SP1: variants seen among roughly 807,000 people sequenced by gnomAD.
SP1 encodes the protein transcription factor Sp1.
In SP1, 6 loss-of-function variants were observed where a neutral mutation model predicts 66.3. The ratio of observed to expected loss-of-function variants is 0.09; its 90% CI spans 0.05 to 0.18. SP1 has a LOEUF of 0.18. Among genes scored for constraint, SP1 ranks in the 10% least tolerant of loss-of-function variants. SP1 has a pLI of 1.00. For missense variants in SP1, 848 were observed against 964.5 expected (o/e 0.88, Z 1.60); for synonymous variants, 417 against 360.8 (o/e 1.16, Z -1.77).
chr12:53,386,266 A>AAGGGAGTGGGGTAAGTT (rs565922458), intron 3 of SP1, among the ~76,000 whole-genome samples: 230 of 152,170 alleles, frequency 1.5e-3, no homozygotes, highest in African/African-American at 5.1e-3. Context: ...GGGAGAAGGA[A>AAGGGAGTGGGGTAAGTT]AGGGAGTGGG....
At chr12:53,397,495 C>G (rs1463372803) in intron 3 of SP1, among the ~76,000 whole-genome samples, 1 of 139,650 alleles carries the variant, frequency 7.2e-6, no homozygotes, top group Non-Finnish European at 1.5e-5. Context: ...GATGGAGTCT[C>G]TCTCTCTCAC....
intron 5 of SP1, among the ~76,000 whole-genome samples, chr12:53,410,165 C>T (rs916076442): frequency 1.3e-5 from 2 of 151,712 alleles, no homozygotes; most frequent in Non-Finnish European, 2.9e-5. Context: ...AATAGTCAAG[C>T]GTGCTGGTGC....
chr12:53,392,615 C>G (rs1016689891), intron 3 of SP1, among the ~76,000 whole-genome samples: 3 of 151,736 alleles, frequency 2.0e-5, no homozygotes, highest in Non-Finnish European at 4.4e-5. Context: ...CCTCGGCCTC[C>G]CAAAGTGCTG....
chr12:53,408,075 C>T (rs1292900408), intron 4 of SP1, among the ~76,000 whole-genome samples: 1 of 144,914 alleles, frequency 6.9e-6, no homozygotes, highest in Non-Finnish European at 1.5e-5. Flanking sequence ...GGTGAAACCC[C>T]ATCTCTACTA....
chr12:53,403,437 C>T (rs1442957329), intron 3 of SP1, among the ~76,000 whole-genome samples: 1 of 152,078 alleles, frequency 6.6e-6, no homozygotes, highest in African/African-American at 2.4e-5. Flanking sequence ...ACTGCTGCCT[C>T]CATCTCCCAG....
Position 53,411,183 on chromosome 12 carries a change from C to T in SP1, c.2301C>T (p.Ile767=). The T allele has an allele frequency of 6.2e-7, 1 of 1,613,950 alleles. No homozygotes were observed. The part of the protein sequence containing the change: ...EGIARLANSG[I]NVMQVADLQS... ...TTGCCCGTCTTGCCAACAGTGGCAT[C>T]AACGTCATGCAGGTGGCAGATCTGC... is the stretch of plus-strand genomic sequence containing the variant. The change falls in exon 6 of 6, where the codon ATC becomes ATT. Residue 767 remains isoleucine, a synonymous_variant. Coordinates refer to ENST00000327443, the MANE Select transcript of SP1 (RefSeq NM_138473.3).
chr12:53,389,397 T>C (rs1351750560), intron 3 of SP1, among the ~76,000 whole-genome samples: 3 of 151,744 alleles, frequency 2.0e-5, no homozygotes, highest in Non-Finnish European at 4.4e-5. Flanking sequence ...TTAATCGAGA[T>C]TGAGTTTCAC....
In SP1 at chr12:53,405,589, G is replaced by A. The variant is rs373038459; in HGVS notation, c.1676-996G>A. 4.6e-4 allele frequency among the ~76,000 whole-genome samples: 70 copies of A among 152,060 alleles called. 3 individuals carry two copies. The East Asian group carries it at 8.1e-3, about 18-fold the overall frequency. On this transcript the variant is annotated intron_variant, in intron 3 of 5. Transcript: ENST00000327443. ...GGAGGCTAAGGCAGGAGAATCACTT[G>A]AACCCAGGAGATGGAGGTTGCAGTG... is the stretch of plus-strand genomic sequence containing the variant.
At chr12:53,405,661 CA>C (rs927134549) in intron 3 of SP1, among the ~76,000 whole-genome samples, 3 of 126,452 alleles carry the variant, frequency 2.4e-5, no homozygotes, top group Non-Finnish European at 4.8e-5. Context: ...GACTCTGTCT[CA>C]AAAAAAGAAA....
intron 4 of SP1, 91 bp from the exon 5 acceptor site, chr12:53,409,270 GT>G: frequency 9.6e-7 from 1 of 1,044,958 alleles, no homozygotes; most frequent in Non-Finnish European, 1.4e-6. Flanking sequence ...GTTTGGGTTA[GT>G]TTGGTGTCGA....
At chr12:53,409,792 G>A (rs1423578054) in intron 5 of SP1, among the ~76,000 whole-genome samples, 3 of 150,308 alleles carry the variant, frequency 2.0e-5, no homozygotes, top group East Asian at 2.0e-4. Context: ...GGCAGATCAC[G>A]AGGTCAGGAG....
chr12:53,389,523 T>G (rs1159460629), intron 3 of SP1, among the ~76,000 whole-genome samples: 1 of 151,944 alleles, frequency 6.6e-6, no homozygotes, highest in Non-Finnish European at 1.5e-5. Flanking sequence ...ATTTTTGCAT[T>G]TTTAGTAGAG....
At chr12:53,381,915 C>T (rs1249484458) in intron 2 of SP1, 102 bp downstream of exon 2, 3 of 1,341,422 alleles carry the variant, frequency 2.2e-6, no homozygotes, top group East Asian at 2.3e-5. Context: ...GAGACTAAAC[C>T]ATTTTATAGA....
chr12:53,411,445 A>G lies in SP1; in HGVS notation c.*205A>G, dbSNP rs1281941787. ...CAGTGCCTCTTTGAAGGTGGGAAAC[A>G]TTAGTGAAAATTCTGTTGGTGCCAC... On this transcript the variant is annotated 3_prime_UTR_variant, in exon 6 of 6. Transcript: ENST00000327443. 8.2e-6 allele frequency: 4 copies of G among 486,974 alleles called. No homozygotes were observed. The highest frequency in any genetic ancestry group is 3.3e-5 in the East Asian group (1 of 30,746). 30.2% of individuals were successfully genotyped at this position (486,974 alleles called of 1,614,324 possible).
rs1592575221 is a variant in SP1 at position 53,411,409 on chromosome 12, A to G, written c.*169A>G. The G allele has an allele frequency of 1.2e-5, 7 of 563,880 alleles. No homozygotes were observed. The East Asian group carries it at 2.0e-4, about 16-fold the overall frequency. The allele number at this position is 563,880 out of a possible 1,614,324, so 34.9% of individuals were successfully genotyped here. ...GAGAGGAGATGGGGTCCCGGCACCC[A>G]TCTGTATCATCAGTGCCTCTTTGAA... On this transcript the variant is annotated 3_prime_UTR_variant, in exon 6 of 6. Coordinates refer to ENST00000327443, the MANE Select transcript of SP1 (RefSeq NM_138473.3).
chr12:53,403,243 A>G (rs963907891), intron 3 of SP1, among the ~76,000 whole-genome samples: 3 of 152,232 alleles, frequency 2.0e-5, no homozygotes, highest in Non-Finnish European at 2.9e-5. Flanking sequence ...AGTAAAATCA[A>G]GAACCTGGAT....
At position 53,414,932 on chromosome 12, in the gene SP1, A is replaced by G. The variant is rs141548857; in HGVS notation, c.*3692A>G. ...GGTACCAAGGAAATAAGGACAGTCT[A>G]GCTGCCTCAAGTGAGGGGCCCTTTG... is the stretch of plus-strand genomic sequence containing the variant. On this transcript the variant is annotated 3_prime_UTR_variant, in exon 6 of 6. Coordinates refer to ENST00000327443, the MANE Select transcript of SP1 (RefSeq NM_138473.3). The G allele has an allele frequency of 1.2e-3, 180 of 152,710 alleles. No homozygotes were observed. The highest frequency in any genetic ancestry group is 3.9e-3 in the African/African-American group (164 of 41,558). 9.5% of individuals were successfully genotyped at this position (152,710 alleles called of 1,614,324 possible).
intron 3 of SP1, 134 bp from the exon 4 acceptor site, chr12:53,406,451 G>T (rs1464085950): frequency 1.3e-5 from 9 of 693,442 alleles, no homozygotes; most frequent in Non-Finnish European, 1.9e-5. Flanking sequence ...ACATAAAAAG[G>T]CTTCAAAACT....
chr12:53,415,890 A>G lies in SP1; in HGVS notation c.*4650A>G, dbSNP rs1285146520. 6.6e-6 allele frequency: 1 copy of G among 152,606 alleles called. No homozygotes were observed. The highest frequency in any genetic ancestry group is 1.5e-5 in the Non-Finnish European group (1 of 68,060). The allele number at this position is 152,606 out of a possible 1,614,324, so 9.5% of individuals were successfully genotyped here. A position where few individuals can be genotyped will look rare whatever the true frequency, so the allele number is the denominator to read the frequency against. On this transcript the variant is annotated 3_prime_UTR_variant, in exon 6 of 6. Transcript: ENST00000327443. ...TCCCTTTCTCCCAGTGAAATCCCAT[A>G]GCCCTTACCTAGAGTCTAGGGCACA...
Sources: allele counts gnomAD v4.1 joint callset (sites outside exome capture counted in the v4.1 genomes callset), GRCh38; gene constraint gnomAD v4.1.1; transcripts MANE v1.5; gene names NCBI Gene and HGNC (gene_info 2026-07-23, HGNC 2026-07-21).